SHLD2: variants seen among roughly 807,000 people sequenced by gnomAD.
SHLD2 encodes RINN1-REV7-interacting novel NHEJ regulator 2.
A neutral mutation model predicts 73.2 loss-of-function variants in SHLD2; 30 were observed. The ratio of observed to expected loss-of-function variants is 0.41; its 90% CI spans 0.31 to 0.56. The LOEUF is 0.56. SHLD2 is among the 20% of genes least tolerant of loss of function. The probability of loss-of-function intolerance (pLI) is 0.28; values close to 1 mark genes in which losing one functional copy is unlikely to be tolerated. For missense variants in SHLD2, 745 were observed against 1,055.9 expected, an observed-to-expected ratio of 0.71 and a Z score of 4.08; for synonymous variants, 285 against 370.1, an observed-to-expected ratio of 0.77 and a Z score of 2.64.
Position 87,187,332 on chromosome 10 carries a change from A to C in SHLD2, c.2515+132A>C, listed in dbSNP as rs1411976157. On this transcript the variant is annotated intron_variant, in intron 9 of 9. Transcript: ENST00000298786. ...TGAAAACCGAAGGATAATTTAGCTT[A>C]AGTGAAATATAAGCCTATGTAAGTT... The C allele has an allele frequency of 6.0e-6, 4 of 661,390 alleles. No homozygotes were observed. The East Asian group carries it at 1.1e-4, about 18-fold the overall frequency. 41.0% of individuals were successfully genotyped at this position (661,390 alleles called of 1,614,324 possible). A position where few individuals can be genotyped will look rare whatever the true frequency, so the allele number is the denominator to read the frequency against.
intron 2 of SHLD2, among the ~76,000 whole-genome samples, chr10:87,120,058 T>C (rs1159868810): frequency 6.6e-6 from 1 of 151,912 alleles, no homozygotes; most frequent in Non-Finnish European, 1.5e-5. Context: ...AAATGCCCCC[T>C]AGTAAGCACT....
chr10:87,104,898 A>ATCC (rs1842506015), intron 2 of SHLD2, among the ~76,000 whole-genome samples: 1 of 152,038 alleles, frequency 6.6e-6, no homozygotes, highest in Non-Finnish European at 1.5e-5. Flanking sequence ...TGACCTTGTG[A>ATCC]TCCGCCTGCC....
At chr10:87,102,482 C>T (rs558289113) in intron 2 of SHLD2, among the ~76,000 whole-genome samples, 14 of 152,018 alleles carry the variant, frequency 9.2e-5, no homozygotes, top group Admixed American at 3.3e-4. Flanking sequence ...CTGAGACAGG[C>T]AGATTACCTG....
rs1846022525 is a variant in SHLD2, at chr10:87,151,687, A to G, written c.333A>G (p.Arg111=). ...AATCCCAGAAGATTCACTCCTCTAG[A>G]CTGAGTGATATAACTAGCTCTAATA... ...NIESQKIHSS[R]LSDITSSNMQ... Residue 111 remains arginine (R), a synonymous_variant, in exon 3 of 10, where the codon AGA becomes AGG. Coordinates refer to ENST00000298786, the MANE Select transcript of SHLD2 (RefSeq NM_001330112.2). 6.2e-7 allele frequency: 1 copy of G among 1,611,496 alleles called. No individual in the cohort carries two copies. Among genetic ancestry groups the G allele is most frequent in the Non-Finnish European group, 8.5e-7 (1 of 1,179,398 alleles).
intron 3 of SHLD2, among the ~76,000 whole-genome samples, chr10:87,153,474 A>G (rs3129509): frequency 3.3e-5 from 5 of 152,158 alleles, no homozygotes; most frequent in Admixed American, 6.5e-5. Flanking sequence ...ATTGATTTCT[A>G]TTGCCTTATT....
intron 2 of SHLD2, among the ~76,000 whole-genome samples, chr10:87,142,998 C>T (rs1245862500): frequency 4.8e-5 from 7 of 145,670 alleles, no homozygotes; most frequent in Non-Finnish European, 7.4e-5. Context: ...GGCACAATCA[C>T]GGCTTACTGT....
At chr10:87,137,952 C>T (rs1844910724) in intron 2 of SHLD2, among the ~76,000 whole-genome samples, 1 of 152,122 alleles carries the variant, frequency 6.6e-6, no homozygotes, top group South Asian at 2.1e-4. Context: ...GTGGCACATA[C>T]TTGAACCCAG....
chr10:87,106,273 G>A (rs1842589522), intron 2 of SHLD2, among the ~76,000 whole-genome samples: 3 of 152,234 alleles, frequency 2.0e-5, no homozygotes, highest in Admixed American at 2.0e-4. Flanking sequence ...CCAAAGTGTT[G>A]GGATTATAGG....
intron 7 of SHLD2, among the ~76,000 whole-genome samples, chr10:87,179,405 CTT>C (rs60122400): frequency 4.9e-5 from 7 of 142,568 alleles, no homozygotes; most frequent in Non-Finnish European, 9.2e-5. Flanking sequence ...TCCTATTTGG[CTT>C]TTTTTTTTTT....
At chr10:87,155,309 G>A (rs1403302011) in intron 3 of SHLD2, among the ~76,000 whole-genome samples, 1 of 152,076 alleles carries the variant, frequency 6.6e-6, no homozygotes, top group Non-Finnish European at 1.5e-5. Flanking sequence ...CCCACTGGCA[G>A]TATTAGCTAA....
intron 2 of SHLD2, among the ~76,000 whole-genome samples, chr10:87,122,898 C>T (rs1372654408): frequency 6.6e-6 from 1 of 152,206 alleles, no homozygotes; most frequent in Non-Finnish European, 1.5e-5. Context: ...CTGCCTCAGC[C>T]TCCCGAGTAG....
chr10:87,170,612 C>A lies in SHLD2; in HGVS notation c.1768C>A (p.Leu590Ile), dbSNP rs775990308. ...TATAGACTTTGTAGAATTGGAGCAC[C>A]TTCAACCTGATGTATTAGTCCACGC... is the stretch of plus-strand genomic sequence containing the variant. ...NSIDFVELEH[L>I]QPDVLVHAVL... The change falls in exon 5 of 10, where the codon CTT (leucine) becomes ATT (isoleucine). Residue 590 changes from leucine (L) to isoleucine (I), a missense_variant. Around this residue, in one of 5 missense-constraint regions of SHLD2, gnomAD observed 418 missense variants for 567.8 expected, o/e 0.74. Transcript: ENST00000298786. 1 of 1,613,392 alleles carries A rather than the reference C, an allele frequency of 6.2e-7. No homozygotes were observed. Among genetic ancestry groups the A allele is most frequent in the East Asian group, 2.2e-5 (1 of 44,866 alleles).
intron 2 of SHLD2, among the ~76,000 whole-genome samples, chr10:87,147,057 A>C (rs1845661210): frequency 1.5e-5 from 2 of 137,890 alleles, no homozygotes; most frequent in African/African-American, 5.4e-5. Context: ...ACTCTGTCTC[A>C]AAAAAAAAAA....
Position 87,190,729 on chromosome 10 carries a change from A to G in SHLD2, c.*46A>G. Reference sequence around the variant, plus strand: ...GGCATTTCAAGGAAGAAGTACTGAAATGATTTGTCTTTTGAAATAAATGAA... The same window carrying G: ...GGCATTTCAAGGAAGAAGTACTGAAGTGATTTGTCTTTTGAAATAAATGAA... On this transcript the variant is annotated 3_prime_UTR_variant, in exon 10 of 10. Transcript: ENST00000298786. 1 of 1,473,856 alleles carries G rather than the reference A, an allele frequency of 6.8e-7. No individual in the cohort carries two copies. Among genetic ancestry groups the G allele is most frequent in the African/African-American group, 1.4e-5 (1 of 71,978 alleles). 91.3% of individuals were successfully genotyped at this position (1,473,856 alleles called of 1,614,324 possible).
chr10:87,183,853 A>T (rs2134730778), intron 8 of SHLD2, among the ~76,000 whole-genome samples: 1 of 152,216 alleles, frequency 6.6e-6, no homozygotes, highest in East Asian at 1.9e-4. Flanking sequence ...CTTCTTTCTC[A>T]GCCTCTTCTA....
chr10:87,173,530 G>A (rs1188414127), intron 6 of SHLD2, among the ~76,000 whole-genome samples: 2 of 152,112 alleles, frequency 1.3e-5, no homozygotes, highest in Non-Finnish European at 2.9e-5. Flanking sequence ...CTAACAATGT[G>A]AGAAAAAATA....
chr10:87,110,541 A>C (rs1381008496), intron 2 of SHLD2, among the ~76,000 whole-genome samples: 2 of 145,624 alleles, frequency 1.4e-5, no homozygotes, highest in African/African-American at 5.1e-5. Flanking sequence ...CGGGAGGCAG[A>C]GGTTGCAGTG....
intron 2 of SHLD2, among the ~76,000 whole-genome samples, chr10:87,106,360 A>C (rs1194992595): frequency 6.6e-6 from 1 of 152,244 alleles, no homozygotes; most frequent in Admixed American, 6.5e-5. Context: ...CACAGAAAAT[A>C]ACTGACTTGC....
In SHLD2 at chr10:87,098,351, T is replaced by C. The variant is rs530051950; in HGVS notation, c.-6+1362T>C. ...CAACATGGAGAAACCCCATCTGTAC[T>C]AAAAATACAAAATTAGCCTGGTGTG... On this transcript the variant is annotated intron_variant, in intron 2 of 9. Transcript: ENST00000298786. 3.3e-5 allele frequency among the ~76,000 whole-genome samples: 5 copies of C among 151,988 alleles called. No homozygotes were observed. The East Asian group carries it at 9.7e-4, about 30-fold the overall frequency.
Sources: gnomAD v4.1 joint callset for allele counts (sites outside exome capture counted in the v4.1 genomes callset) on GRCh38, gnomAD v4.1.1 for gene constraint, gnomAD v4.1.1 regional missense constraint, MANE v1.5 for transcripts, NCBI Gene and HGNC (gene_info 2026-07-23, HGNC 2026-07-21) for gene names.